The following SOX5 variants were observed in gnomAD, a reference collection of about 807,000 sequenced individuals.
SOX5 encodes SRY-box transcription factor 5.
SOX5 carries 9 observed loss-of-function variants against 92.0 expected under a neutral mutation model. The ratio of observed to expected loss-of-function variants is 0.10; its 90% CI spans 0.06 to 0.17. SOX5 has a LOEUF of 0.17. Ranked by LOEUF, SOX5 falls within the 10% of genes least tolerant of loss-of-function variation. The probability of loss-of-function intolerance (pLI) is 1.00; values close to 1 mark genes in which losing one functional copy is unlikely to be tolerated. For synonymous variants in SOX5, 344 were observed against 336.3 expected, an observed-to-expected ratio of 1.02 and a Z score of -0.25; for missense variants, 642 against 944.5, an observed-to-expected ratio of 0.68 and a Z score of 4.20.
intron 3 of SOX5, among the ~76,000 whole-genome samples, chr12:24,246,925 A>G (rs1381430651): frequency 6.6e-6 from 1 of 152,208 alleles, no homozygotes; most frequent in Non-Finnish European, 1.5e-5. Flanking sequence ...CAAAAAACCT[A>G]AGAGAACAAA....
chr12:24,506,753 T>G (rs1048082307), intron 1 of SOX5, among the ~76,000 whole-genome samples: 1 of 149,272 alleles, frequency 6.7e-6, no homozygotes, highest in Admixed American at 6.7e-5. Context: ...CCCTTTCCAA[T>G]GCAACCTGTA....
chr12:23,582,316 T>C (rs1950156346), intron 9 of SOX5: 2 of 983,006 alleles, frequency 2.0e-6, no homozygotes, highest in Non-Finnish European at 1.2e-6. Context: ...ACAAGTATCA[T>C]GAGGATCTAT....
chr12:24,233,343 AGAT>A, intron 3 of SOX5, among the ~76,000 whole-genome samples: 1 of 152,222 alleles, frequency 6.6e-6, no homozygotes, highest in Admixed American at 6.5e-5. Context: ...ATAAAATTGT[AGAT>A]GATTATGAAG....
chr12:24,374,024 C>T (rs1276959754), intron 1 of SOX5, among the ~76,000 whole-genome samples: 2 of 151,632 alleles, frequency 1.3e-5, no homozygotes, highest in Non-Finnish European at 2.9e-5. Context: ...TGTCCCTTTA[C>T]AAAACAAAAG....
At chr12:23,859,767 G>A (rs896946184) in intron 2 of SOX5, among the ~76,000 whole-genome samples, 1 of 152,150 alleles carries the variant, frequency 6.6e-6, no homozygotes, top group African/African-American at 2.4e-5. Flanking sequence ...GCTGTAAAAT[G>A]TCTCTCTTTA....
chr12:23,820,715 C>T (rs187118270), intron 3 of SOX5, among the ~76,000 whole-genome samples: 267 of 152,216 alleles, frequency 1.8e-3, no homozygotes, highest in Middle Eastern at 6.8e-3. Context: ...TCAGCTTTGT[C>T]AAGGATCAGG....
At chr12:24,098,134 C>T (rs544116096) in intron 4 of SOX5, among the ~76,000 whole-genome samples, 6 of 152,132 alleles carry the variant, frequency 3.9e-5, no homozygotes, top group Admixed American at 6.6e-5. Context: ...CTTGGAAGTT[C>T]GTATGTGTCA....
At chr12:23,723,081 G>C (rs1311993882) in intron 6 of SOX5, among the ~76,000 whole-genome samples, 2 of 151,890 alleles carry the variant, frequency 1.3e-5, no homozygotes, top group African/African-American at 4.8e-5. Flanking sequence ...TCTTTTTCTG[G>C]CTGCATGACA....
intron 4 of SOX5, among the ~76,000 whole-genome samples, chr12:23,966,937 C>A (rs1248187553): frequency 6.6e-6 from 1 of 152,150 alleles, no homozygotes; most frequent in Non-Finnish European, 1.5e-5. Context: ...GACTACTCTT[C>A]ATACCAGTGA....
At chr12:23,860,360 A>G (rs999783590) in intron 2 of SOX5, among the ~76,000 whole-genome samples, 2 of 152,202 alleles carry the variant, frequency 1.3e-5, no homozygotes, top group Admixed American at 6.5e-5. Flanking sequence ...ATTTGAAAGA[A>G]GCAATGATAA....
chr12:23,577,189 A>ATT (rs1348454616), intron 9 of SOX5, among the ~76,000 whole-genome samples: 5 of 71,278 alleles, frequency 7.0e-5, no homozygotes, highest in African/African-American at 1.3e-4. Context: ...ATATATATAT[A>ATT]TATTTTTTTT....
intron 1 of SOX5, among the ~76,000 whole-genome samples, chr12:23,905,600 A>T (rs1376341903): frequency 2.6e-5 from 4 of 151,828 alleles, no homozygotes; most frequent in Non-Finnish European, 5.9e-5. Flanking sequence ...AAAAATACTT[A>T]ATTAAACTCC....
intron 1 of SOX5, among the ~76,000 whole-genome samples, chr12:24,404,022 A>G (rs1183465011): frequency 6.6e-6 from 1 of 152,228 alleles, no homozygotes; most frequent in Non-Finnish European, 1.5e-5. Context: ...GAGGCACTAA[A>G]GAATTGTTTT....
At chr12:24,224,924 G>A (rs1016404979) in intron 3 of SOX5, among the ~76,000 whole-genome samples, 4 of 151,966 alleles carry the variant, frequency 2.6e-5, no homozygotes, top group Non-Finnish European at 2.9e-5. Flanking sequence ...AAACACACAG[G>A]GTGCTCACTC....
At chr12:24,340,490 C>T (rs1354280541) in intron 2 of SOX5, among the ~76,000 whole-genome samples, 1 of 152,152 alleles carries the variant, frequency 6.6e-6, no homozygotes, top group East Asian at 1.9e-4. Flanking sequence ...GTAAACATTG[C>T]CATTTAAATA....
chr12:23,641,585 A>G (rs575868500), intron 7 of SOX5, among the ~76,000 whole-genome samples: 2 of 152,302 alleles, frequency 1.3e-5, no homozygotes, highest in South Asian at 2.1e-4. Context: ...TTACTGTTAT[A>G]TGACCTGTAA....
chr12:23,734,453 A>G (rs184813851), intron 6 of SOX5, among the ~76,000 whole-genome samples: 6 of 152,296 alleles, frequency 3.9e-5, no homozygotes, highest in African/African-American at 1.4e-4. Context: ...TCTTCTCAGC[A>G]TAAGATGAAA....
rs1939177794 is a variant in SOX5 at position 23,531,928 on chromosome 12, T to C, written c.*2291A>G. On this transcript the variant is annotated 3_prime_UTR_variant, in exon 15 of 15. Transcript: ENST00000451604. The stretch of plus-strand genomic sequence containing the variant: ...GTGTGTGTGTATATGTGTGTATATA[T>C]ATGTATATATATATATACATATACA... 6.8e-6 allele frequency: 1 copy of C among 147,664 alleles called. No individual in the cohort carries two copies. Among genetic ancestry groups the C allele is most frequent in the Non-Finnish European group, 1.5e-5 (1 of 66,960 alleles). The allele number at this position is 147,664 out of a possible 1,614,324, so 9.1% of individuals were successfully genotyped here.
In SOX5 at chr12:24,077,741, C is replaced by G. The variant is rs61031630; in HGVS notation, c.-2+135602G>C. On this transcript the variant is annotated intron_variant, in intron 4 of 4. Coordinates refer to the SOX5 transcript ENST00000446891. Reference sequence around the variant, plus strand: ...AATTAAAAGAAATTACTAATTTATACAAGGTGGTACTTCTCTTCGAAAGGT... The same window carrying G: ...AATTAAAAGAAATTACTAATTTATAGAAGGTGGTACTTCTCTTCGAAAGGT... 6.5e-3 allele frequency among the ~76,000 whole-genome samples: 934 copies of G among 144,640 alleles called. 13 individuals are homozygous for G. The highest frequency in any genetic ancestry group is 0.023 in the African/African-American group (904 of 39,694). 94.9% of individuals were successfully genotyped at this position (144,640 alleles called of 152,430 possible). A position where few individuals can be genotyped will look rare whatever the true frequency, so the allele number is the denominator to read the frequency against.
Sources: gnomAD v4.1 joint callset for allele counts (sites outside exome capture counted in the v4.1 genomes callset) on GRCh38, gnomAD v4.1.1 for gene constraint, MANE v1.5 for transcripts, NCBI Gene and HGNC (gene_info 2026-07-23, HGNC 2026-07-21) for gene names.